VPS41: variants seen among roughly 807,000 people sequenced by gnomAD.
VPS41 encodes the protein VPS41 subunit of HOPS complex.
VPS41 carries 85 observed loss-of-function variants against 130.9 expected under a neutral mutation model. The ratio of observed to expected loss-of-function variants is 0.65; its 90% CI spans 0.55 to 0.78. The LOEUF (loss-of-function observed/expected upper bound fraction) is 0.78. VPS41 is among the 30% of genes least tolerant of loss of function. The pLI, the probability that VPS41 is intolerant of heterozygous loss-of-function variation, is 0.00. For synonymous variants in VPS41, 335 were observed against 332.9 expected (o/e 1.01, Z -0.07); for missense variants, 874 against 1,018.7 (o/e 0.86, Z 1.93).
rs572958066 is a variant in VPS41 at position 38,830,951 on chromosome 7, T to C, written c.247-623A>G. On this transcript the variant is annotated intron_variant, in intron 4 of 28. Coordinates refer to ENST00000310301, the MANE Select transcript of VPS41 (RefSeq NM_014396.4). ...ACAGAGAAAAGAGAGGAGCCAGGGC[T>C]ACAACCTGGGAGGAGTGAAGAATAC... Among the ~76,000 whole-genome samples the C allele has an allele frequency of 2.6e-5, 4 of 152,334 alleles. No homozygotes were observed. The South Asian group carries it at 8.3e-4, about 32-fold the overall frequency.
chr7:38,788,393 C>T (rs1394897723), intron 10 of VPS41, among the ~76,000 whole-genome samples: 1 of 152,172 alleles, frequency 6.6e-6, no homozygotes, highest in African/African-American at 2.4e-5. Flanking sequence ...AAGCAAACTA[C>T]CTGCACTTAA....
chr7:38,727,789 T>C (rs1258096648), intron 27 of VPS41, among the ~76,000 whole-genome samples: 1 of 152,214 alleles, frequency 6.6e-6, no homozygotes, highest in Admixed American at 6.5e-5. Flanking sequence ...GCTGAACTTA[T>C]ATTTGAAAAG....
chr7:38,781,415 A>G (rs1168254501), intron 10 of VPS41, among the ~76,000 whole-genome samples: 1 of 152,192 alleles, frequency 6.6e-6, no homozygotes, highest in Admixed American at 6.5e-5. Context: ...TCATTAGAAC[A>G]TATCTTGGTG....
At chr7:38,895,587 G>C (rs1199218484) in intron 2 of VPS41, among the ~76,000 whole-genome samples, 1 of 152,192 alleles carries the variant, frequency 6.6e-6, no homozygotes, top group Non-Finnish European at 1.5e-5. Context: ...TGAAGCATCT[G>C]TGTGGTTTAC....
At chr7:38,904,879 C>T (rs546017655) in intron 1 of VPS41, among the ~76,000 whole-genome samples, 2 of 152,160 alleles carry the variant, frequency 1.3e-5, no homozygotes, top group African/African-American at 2.4e-5. Flanking sequence ...ATGGTCTAAT[C>T]GTGGAAATAC....
chr7:38,804,079 C>G (rs963863588), intron 7 of VPS41, among the ~76,000 whole-genome samples: 1 of 152,168 alleles, frequency 6.6e-6, no homozygotes, highest in African/African-American at 2.4e-5. Context: ...GTTGGTACGA[C>G]GGAAAACCTC....
At position 38,738,229 on chromosome 7, in the gene VPS41, A is replaced by G. The variant is rs570601059; in HGVS notation, c.2259+3756T>C. Among the ~76,000 whole-genome samples the G allele has an allele frequency of 7.9e-5, 12 of 152,304 alleles. No individual in the cohort carries two copies. In the East Asian group the frequency reaches 2.3e-3, roughly 29 times the overall value. Reference sequence around the variant, plus strand: ...AAACTAAGACCCCACTCTAATTAGCAGATTTTTTAGAGATTACTTGTGGCT... The same window carrying G: ...AAACTAAGACCCCACTCTAATTAGCGGATTTTTTAGAGATTACTTGTGGCT... On this transcript the variant is annotated intron_variant, in intron 25 of 28. Transcript: ENST00000310301.
intron 6 of VPS41, among the ~76,000 whole-genome samples, chr7:38,818,231 A>G (rs965187898): frequency 1.5e-5 from 2 of 131,280 alleles, no homozygotes; most frequent in Non-Finnish European, 3.1e-5. Context: ...AACTGGATAC[A>G]ATTTACAGAA....
intron 2 of VPS41, among the ~76,000 whole-genome samples, chr7:38,897,575 A>G (rs1182703791): frequency 6.6e-6 from 1 of 151,006 alleles, no homozygotes; most frequent in East Asian, 2.0e-4. Context: ...AACCTGGGAG[A>G]CGGAGCCTGC....
At chr7:38,847,457 C>A (rs1420426423) in intron 4 of VPS41, among the ~76,000 whole-genome samples, 1 of 152,018 alleles carries the variant, frequency 6.6e-6, no homozygotes, top group Non-Finnish European at 1.5e-5. Context: ...AGTAAGGCAA[C>A]AGAAATGGGG....
intron 1 of VPS41, among the ~76,000 whole-genome samples, chr7:38,898,954 AG>A (rs1402681838): frequency 2.0e-4 from 4 of 19,572 alleles, no homozygotes; most frequent in Admixed American, 6.4e-4. Context: ...ACAAAGAACA[AG>A]AAAAAAATGG....
At chr7:38,807,757 C>T (rs913660844) in intron 7 of VPS41, among the ~76,000 whole-genome samples, 2 of 152,212 alleles carry the variant, frequency 1.3e-5, no homozygotes, top group Admixed American at 6.5e-5. Flanking sequence ...TTGCTTTATA[C>T]AGCCTTCTCT....
At chr7:38,875,810 C>CA (rs1207417900) in intron 2 of VPS41, among the ~76,000 whole-genome samples, 3 of 152,028 alleles carry the variant, frequency 2.0e-5, no homozygotes, top group African/African-American at 4.8e-5. Context: ...TATATGAATG[C>CA]AAAAAATGTT....
intron 10 of VPS41, among the ~76,000 whole-genome samples, chr7:38,783,408 G>T (rs1353324494): frequency 6.6e-6 from 1 of 151,930 alleles, no homozygotes; most frequent in Non-Finnish European, 1.5e-5. Flanking sequence ...GGTGGCAGGC[G>T]CCTGTAATCC....
At chr7:38,793,612 A>AT (rs1784572437) in intron 9 of VPS41, among the ~76,000 whole-genome samples, 1 of 152,172 alleles carries the variant, frequency 6.6e-6, no homozygotes, top group African/African-American at 2.4e-5. Context: ...AACAACAGAG[A>AT]TGTTGTTTTA....
chr7:38,752,109 C>T, intron 22 of VPS41, 67 bp downstream of exon 22: 1 of 1,597,018 alleles, frequency 6.3e-7, no homozygotes, highest in Non-Finnish European at 8.6e-7. Context: ...AGAAGAAAGA[C>T]AAACAACTTA....
intron 2 of VPS41, among the ~76,000 whole-genome samples, chr7:38,894,179 C>T (rs1018808217): frequency 2.6e-5 from 4 of 151,934 alleles, no homozygotes; most frequent in Non-Finnish European, 4.4e-5. Context: ...TGATAGAGAA[C>T]GAAGAGAAAT....
At chr7:38,726,784 T>C in intron 28 of VPS41, 125 bp downstream of exon 28, 1 of 791,988 alleles carries the variant, frequency 1.3e-6, no homozygotes, top group Non-Finnish European at 1.9e-6. Context: ...TTATGTGATA[T>C]AAATCCACAT....
chr7:38,869,715 T>C lies in VPS41; in HGVS notation c.61-462A>G, dbSNP rs1028453648. Among the ~76,000 whole-genome samples the C allele has an allele frequency of 2.0e-5, 3 of 152,202 alleles. No individual in the cohort carries two copies. The East Asian group carries it at 5.8e-4, about 29-fold the overall frequency. The stretch of plus-strand genomic sequence containing the variant: ...AACAAAAAGTTTACATATGGAGAAC[T>C]GTGATGGCATAAAACTAGCCAAAAC... On this transcript the variant is annotated intron_variant, in intron 2 of 28. Transcript: ENST00000310301.
Sources: allele counts gnomAD v4.1 joint callset (sites outside exome capture counted in the v4.1 genomes callset), GRCh38; gene constraint gnomAD v4.1.1; transcripts MANE v1.5; gene names NCBI Gene and HGNC (gene_info 2026-07-23, HGNC 2026-07-21).